The following UTRN variants were observed in gnomAD, a reference collection of about 807,000 sequenced individuals.
UTRN encodes utrophin, also known as dystrophin-related protein 1.
UTRN carries 283 observed loss-of-function variants against 463.9 expected under a neutral mutation model. The observed-to-expected ratio is 0.61, with a 90% CI of 0.55 to 0.67. The LOEUF (loss-of-function observed/expected upper bound fraction) is 0.67, where lower values mean the gene tolerates loss of function less well. Ranked by LOEUF, UTRN falls within the 30% of genes least tolerant of loss-of-function variation. The pLI is 0.00. For missense variants in UTRN, 3,922 were observed against 4,084.3 expected, an observed-to-expected ratio of 0.96 and a Z score of 1.08; for synonymous variants, 1,442 against 1,431.5, an observed-to-expected ratio of 1.01 and a Z score of -0.17.
chr6:144,575,602 T>C (rs1303668061), intron 50 of UTRN, among the ~76,000 whole-genome samples: 1 of 152,186 alleles, frequency 6.6e-6, no homozygotes, highest in African/African-American at 2.4e-5. Flanking sequence ...ACACAGTATA[T>C]TGTTATGATT....
Position 144,542,799 on chromosome 6 carries a change from G to C in UTRN, c.6524G>C (p.Cys2175Ser), listed in dbSNP as rs756079440. 1 of 1,613,348 alleles carries C rather than the reference G, an allele frequency of 6.2e-7. No individual in the cohort carries two copies. Among genetic ancestry groups the C allele is most frequent in the South Asian group, 1.1e-5 (1 of 90,866 alleles). The change falls in exon 46 of 75, where the codon TGC becomes TCC. Residue 2175 changes from cysteine (C) to serine (S), a missense_variant. Coordinates refer to ENST00000367545, the MANE Select transcript of UTRN (RefSeq NM_007124.3). Reference protein sequence around the residue: ...RTVNMTWNKICREVPTTLKEC... With the variant: ...RTVNMTWNKISREVPTTLKEC... ...CTGTTTGTCCTGATGCGGTAGATTT[G>C]CAGAGAGGTGCCTACCACCCTGAAG...
intron 7 of UTRN, 28 bp from the exon 8 acceptor site, chr6:144,428,749 TC>T (rs1161678614): frequency 1.5e-6 from 2 of 1,308,162 alleles, no homozygotes; most frequent in African/African-American, 3.0e-5. Context: ...TATTTCATCT[TC>T]ATTGCATTTT....
chr6:144,747,525 G>T (rs1288908958), intron 54 of UTRN, among the ~76,000 whole-genome samples: 1 of 152,114 alleles, frequency 6.6e-6, no homozygotes, highest in Non-Finnish European at 1.5e-5. Context: ...TTCTCCTCTG[G>T]ACTGTTCCAG....
At chr6:144,706,522 G>GA (rs147249064) in intron 53 of UTRN, among the ~76,000 whole-genome samples, 5,184 of 150,866 alleles carry the variant, frequency 0.034, 112 homozygotes, top group African/African-American at 0.044. Flanking sequence ...ACTTTATTTT[G>GA]AAAAAAAATC....
At chr6:144,446,223 C>T (rs529036139) in intron 14 of UTRN, among the ~76,000 whole-genome samples, 6 of 152,174 alleles carry the variant, frequency 3.9e-5, no homozygotes, top group Admixed American at 3.9e-4. Flanking sequence ...TTAAACTGAC[C>T]TTTCATCGTG....
chr6:144,422,068 C>A, intron 4 of UTRN, 98 bp downstream of exon 4: 2 of 940,820 alleles, frequency 2.1e-6, no homozygotes, highest in Non-Finnish European at 3.0e-6. Flanking sequence ...ATCCATTTTA[C>A]TTTACGTTCA....
intron 51 of UTRN, among the ~76,000 whole-genome samples, chr6:144,589,097 G>GTTT (rs1802754675): frequency 6.6e-6 from 1 of 152,200 alleles, no homozygotes; most frequent in Non-Finnish European, 1.5e-5. Context: ...ATAGGCTTAT[G>GTTT]TGAAAGTATG....
At chr6:144,743,121 C>T (rs1419005392) in intron 54 of UTRN, among the ~76,000 whole-genome samples, 2 of 152,130 alleles carry the variant, frequency 1.3e-5, no homozygotes. Flanking sequence ...AATTCAATTC[C>T]GTCCAACTCA....
chr6:144,514,541 TG>T, intron 36 of UTRN, 108 bp from the exon 37 acceptor site: 3 of 1,174,668 alleles, frequency 2.6e-6, no homozygotes, highest in Admixed American at 4.4e-5. Context: ...AATCTCTTAC[TG>T]GGGATCCCAG....
intron 51 of UTRN, among the ~76,000 whole-genome samples, chr6:144,644,625 CA>C (rs1177436999): frequency 3.3e-5 from 5 of 152,078 alleles, no homozygotes; most frequent in Non-Finnish European, 5.9e-5. Context: ...GTTTTAGTTA[CA>C]TTTTTCCACA....
At chr6:144,367,472 C>T (rs1779613016) in intron 2 of UTRN, among the ~76,000 whole-genome samples, 1 of 151,846 alleles carries the variant, frequency 6.6e-6, no homozygotes, top group African/African-American at 2.4e-5. Context: ...ATTATATAGA[C>T]AATGCAGTTG....
intron 32 of UTRN, among the ~76,000 whole-genome samples, chr6:144,492,386 G>A (rs535369761): frequency 2.0e-5 from 3 of 152,274 alleles, no homozygotes; most frequent in African/African-American, 4.8e-5. Flanking sequence ...GTTCCGTGGT[G>A]TATTTGTACC....
intron 56 of UTRN, among the ~76,000 whole-genome samples, chr6:144,753,964 G>A (rs756907590): frequency 3.9e-5 from 6 of 151,956 alleles, no homozygotes; most frequent in East Asian, 3.9e-4. Context: ...ATCTCAACCC[G>A]AAGTAGAGAT....
intron 2 of UTRN, among the ~76,000 whole-genome samples, chr6:144,371,375 T>G (rs754262771): frequency 9.2e-5 from 14 of 152,198 alleles, no homozygotes; most frequent in Non-Finnish European, 1.0e-4. Context: ...ACAGACATAC[T>G]AAAGTTCTTT....
At chr6:144,668,803 GA>G (rs1177871814) in intron 51 of UTRN, among the ~76,000 whole-genome samples, 4 of 152,142 alleles carry the variant, frequency 2.6e-5, no homozygotes, top group Non-Finnish European at 5.9e-5. Context: ...TCAAAAAAAA[GA>G]ATTTTGGGAG....
At chr6:144,813,138 A>C (rs1778768639) in intron 65 of UTRN, among the ~76,000 whole-genome samples, 1 of 151,946 alleles carries the variant, frequency 6.6e-6, no homozygotes, top group Non-Finnish European at 1.5e-5. Context: ...GCATGGCATC[A>C]GAGTTTTTTT....
chr6:144,819,911 C>CCTCCTCCTCCTCCTCCTCCTCTCTCTCT, intron 65 of UTRN, among the ~76,000 whole-genome samples: 1 of 118,624 alleles, frequency 8.4e-6, no homozygotes, highest in African/African-American at 3.8e-5. Context: ...TCCTCCTCCT[C>CCTCCTCCTCCTCCTCCTCCTCTCTCTCT]CTCTCTCTCT....
chr6:144,686,907 T>C (rs1394202475), intron 52 of UTRN, among the ~76,000 whole-genome samples: 1 of 152,176 alleles, frequency 6.6e-6, no homozygotes, highest in Non-Finnish European at 1.5e-5. Flanking sequence ...TGTGAGGCAC[T>C]GTTTCAGTTA....
chr6:144,288,370 G>A (rs1243241512), intron 1 of UTRN, among the ~76,000 whole-genome samples: 1 of 152,160 alleles, frequency 6.6e-6, no homozygotes, highest in East Asian at 1.9e-4. Context: ...TTTTATGGGT[G>A]AATAAAGGCT....
Sources: allele counts gnomAD v4.1 joint callset (sites outside exome capture counted in the v4.1 genomes callset), GRCh38; gene constraint gnomAD v4.1.1; transcripts MANE v1.5; gene names NCBI Gene and HGNC (gene_info 2026-07-23, HGNC 2026-07-21).